Variants in PAPPA observed in about 807,000 individuals in gnomAD.
PAPPA encodes pappalysin 1, also known as pappalysin-1.
In PAPPA, 60 loss-of-function variants were observed where a neutral mutation model predicts 164.0. The observed-to-expected ratio is 0.37, with a 90% CI of 0.30 to 0.45. The LOEUF is 0.45. Ranked by LOEUF, PAPPA falls within the 20% of genes least tolerant of loss-of-function variation. PAPPA has a pLI of 1.00. For missense variants in PAPPA, 1,782 were observed against 2,087.3 expected (o/e 0.85, Z 2.85); for synonymous variants, 875 against 814.1 (o/e 1.07, Z -1.27).
chr9:116,222,521 G>A (rs528428682), intron 5 of PAPPA, among the ~76,000 whole-genome samples: 9 of 152,070 alleles, frequency 5.9e-5, no homozygotes, highest in Non-Finnish European at 1.0e-4. Flanking sequence ...CCTTAAAAGC[G>A]GGAAAATTCT....
intron 2 of PAPPA, among the ~76,000 whole-genome samples, chr9:116,199,401 C>G (rs1212132752): frequency 6.6e-6 from 1 of 152,168 alleles, no homozygotes; most frequent in Non-Finnish European, 1.5e-5. Flanking sequence ...ATTTCAGCTT[C>G]CCTCACTCCC....
intron 5 of PAPPA, among the ~76,000 whole-genome samples, chr9:116,227,219 G>A (rs1245055180): frequency 6.6e-6 from 1 of 152,200 alleles, no homozygotes; most frequent in Admixed American, 6.5e-5. Flanking sequence ...CATCAGAACA[G>A]AAGCCACTTA....
At chr9:116,261,535 T>C (rs555173401) in intron 7 of PAPPA, among the ~76,000 whole-genome samples, 1 of 152,330 alleles carries the variant, frequency 6.6e-6, no homozygotes, top group Admixed American at 6.5e-5. Context: ...ATGACTTGTC[T>C]ACAGATTTCA....
At chr9:116,175,889 A>C (rs1294918044) in intron 1 of PAPPA, among the ~76,000 whole-genome samples, 1 of 152,204 alleles carries the variant, frequency 6.6e-6, no homozygotes, top group Non-Finnish European at 1.5e-5. Context: ...AACCAAAAAC[A>C]GTATTAGGAC....
Position 116,235,446 on chromosome 9 carries a change from C to A in PAPPA, c.2541C>A (p.Gly847=), listed in dbSNP as rs76135391. ...VPLTIRLWDV[G]EEVYGIQIYT... is the part of the protein sequence containing the mutation. The stretch of plus-strand genomic sequence containing the variant: ...TGACCATCAGACTCTGGGACGTGGG[C>A]GAGGAGGTGTATGGCATCCAAATCT... Residue 847 remains glycine (G), a synonymous_variant, in exon 7 of 22, where the codon GGC becomes GGA. Transcript: ENST00000328252. 1 of 1,612,836 alleles carries A rather than the reference C, an allele frequency of 6.2e-7. No individual in the cohort carries two copies. The highest frequency in any genetic ancestry group is 1.1e-5 in the South Asian group (1 of 90,926).
intron 20 of PAPPA, among the ~76,000 whole-genome samples, chr9:116,378,069 T>C (rs1846678849): frequency 6.6e-6 from 1 of 152,250 alleles, no homozygotes; most frequent in African/African-American, 2.4e-5. Context: ...TCCATTTTAC[T>C]GATGACCTTT....
chr9:116,176,250 A>G (rs1301379744), intron 1 of PAPPA, among the ~76,000 whole-genome samples: 6 of 152,224 alleles, frequency 3.9e-5, no homozygotes, highest in Admixed American at 2.6e-4. Flanking sequence ...ATTGAGACCA[A>G]TTTCTGAAAT....
chr9:116,157,719 C>G (rs187036491), intron 1 of PAPPA, among the ~76,000 whole-genome samples: 1 of 152,118 alleles, frequency 6.6e-6, no homozygotes, highest in African/African-American at 2.4e-5. Flanking sequence ...CTCATAAACA[C>G]CATCACCTCT....
intron 2 of PAPPA, among the ~76,000 whole-genome samples, chr9:116,196,121 C>T (rs1844100882): frequency 6.6e-6 from 1 of 152,162 alleles, no homozygotes; most frequent in African/African-American, 2.4e-5. Flanking sequence ...AGGCTCTCTC[C>T]TGGCCTGGGA....
chr9:116,199,387 C>A (rs766433851), intron 2 of PAPPA, among the ~76,000 whole-genome samples: 3 of 152,116 alleles, frequency 2.0e-5, no homozygotes, highest in Non-Finnish European at 4.4e-5. Context: ...GAAACCAGAC[C>A]AACATTTCAG....
At chr9:116,206,226 C>T (rs2118672787) in intron 2 of PAPPA, among the ~76,000 whole-genome samples, 1 of 152,272 alleles carries the variant, frequency 6.6e-6, no homozygotes, top group Admixed American at 6.5e-5. Flanking sequence ...GTAAGCTCTC[C>T]TGGGCCCACC....
At chr9:116,162,045 C>T (rs1587934175) in intron 1 of PAPPA, among the ~76,000 whole-genome samples, 1 of 152,072 alleles carries the variant, frequency 6.6e-6, no homozygotes, top group Non-Finnish European at 1.5e-5. Context: ...CTGAGGAGCT[C>T]CCCATCCCCT....
chr9:116,231,918 C>T (rs575036326), intron 6 of PAPPA, among the ~76,000 whole-genome samples: 2 of 151,854 alleles, frequency 1.3e-5, no homozygotes, highest in Middle Eastern at 3.4e-3. Flanking sequence ...CGTGCCACCA[C>T]ACCGAGGTAA....
chr9:116,243,180 T>G (rs1587968761), intron 7 of PAPPA, among the ~76,000 whole-genome samples: 1 of 152,328 alleles, frequency 6.6e-6, no homozygotes, highest in African/African-American at 2.4e-5. Flanking sequence ...TATTGATATA[T>G]TTATCAAATG....
At chr9:116,364,233 A>G (rs1366698752) in intron 18 of PAPPA, among the ~76,000 whole-genome samples, 3 of 152,242 alleles carry the variant, frequency 2.0e-5, no homozygotes, top group Non-Finnish European at 4.4e-5. Context: ...CAGCTCAATC[A>G]GAATATGCAA....
At chr9:116,331,929 G>C (rs962785571) in intron 11 of PAPPA, among the ~76,000 whole-genome samples, 3 of 152,116 alleles carry the variant, frequency 2.0e-5, no homozygotes, top group Non-Finnish European at 4.4e-5. Context: ...ACCTTTTTTT[G>C]TGTGTGTGGG....
intron 9 of PAPPA, among the ~76,000 whole-genome samples, chr9:116,282,631 T>C (rs1487196522): frequency 1.3e-5 from 2 of 152,220 alleles, no homozygotes; most frequent in Admixed American, 1.3e-4. Context: ...ACGTTCCCAG[T>C]AAGGGATTCT....
intron 7 of PAPPA, among the ~76,000 whole-genome samples, chr9:116,255,676 A>G (rs1844919052): frequency 6.6e-6 from 1 of 151,936 alleles, no homozygotes; most frequent in Non-Finnish European, 1.5e-5. Context: ...CCCAGGAGAG[A>G]TGTGGCTTTG....
At chr9:116,344,454 G>C (rs749125580) in intron 13 of PAPPA, 89 bp from the exon 14 acceptor site, 1 of 1,346,038 alleles carries the variant, frequency 7.4e-7, no homozygotes, top group East Asian at 2.3e-5. Flanking sequence ...TGAAATCTTG[G>C]AGAAAGAGGC....
Sources: allele counts gnomAD v4.1 joint callset (sites outside exome capture counted in the v4.1 genomes callset), GRCh38; gene constraint gnomAD v4.1.1; transcripts MANE v1.5; gene names NCBI Gene and HGNC (gene_info 2026-07-23, HGNC 2026-07-21).